CCDC57: variants seen among roughly 807,000 people sequenced by gnomAD.
The protein encoded by CCDC57 is coiled-coil domain-containing protein 57.
A neutral mutation model predicts 118.9 loss-of-function variants in CCDC57; 118 were observed. The ratio of observed to expected loss-of-function variants is 0.99; its 90% CI spans 0.86 to 1.16. The LOEUF is 1.16. Among genes scored for constraint, CCDC57 ranks in the 50% most tolerant of loss-of-function variants. CCDC57 has a pLI of 0.00. For missense variants in CCDC57, 1,300 were observed against 1,320.7 expected, an observed-to-expected ratio of 0.98 and a Z score of 0.24; for synonymous variants, 527 against 532.9, an observed-to-expected ratio of 0.99 and a Z score of 0.15.
At chr17:82,109,086 A>G (rs1457551569) in intron 19 of CCDC57, 1 of 152,284 alleles carries the variant, frequency 6.6e-6, no homozygotes, top group Non-Finnish European at 1.5e-5. Flanking sequence ...AGGGCTTCCT[A>G]AACAGGCGGG....
chr17:82,134,121 C>A, exon 17 of CCDC57: 1 of 1,415,088 alleles, frequency 7.1e-7, no homozygotes, highest in Non-Finnish European at 9.2e-7. Flanking sequence ...GGCTGCGATC[C>A]AAAGGCCTCC....
intron 19 of CCDC57, among the ~76,000 whole-genome samples, chr17:82,102,759 C>T (rs2034541075): frequency 6.6e-6 from 1 of 152,060 alleles, no homozygotes; most frequent in South Asian, 2.1e-4. Flanking sequence ...GTGGCGGGCA[C>T]CTGTAATCCC....
chr17:82,209,526 G>A (rs1309562609), intron 1 of CCDC57, among the ~76,000 whole-genome samples: 4 of 151,912 alleles, frequency 2.6e-5, no homozygotes, highest in Admixed American at 1.3e-4. Context: ...TCTGTCACCC[G>A]AGCTGCAGTG....
chr17:82,183,282 C>T (rs1020315241), intron 9 of CCDC57, among the ~76,000 whole-genome samples: 4 of 152,136 alleles, frequency 2.6e-5, no homozygotes, highest in Admixed American at 1.3e-4. Context: ...AGGAAGTGTT[C>T]GCCCCAACGG....
At chr17:82,145,478 C>T (rs760264580) in intron 16 of CCDC57, among the ~76,000 whole-genome samples, 10 of 151,784 alleles carry the variant, frequency 6.6e-5, no homozygotes, top group African/African-American at 1.9e-4. Context: ...ACCCGGGAGG[C>T]GGAGGCTGCA....
In CCDC57 at chr17:82,176,591, GC is replaced by G. The variant is rs111643611; in HGVS notation, c.1506+1882del. On this transcript the variant is annotated intron_variant, in intron 11 of 19. Coordinates refer to ENST00000665763, the Ensembl canonical transcript of CCDC57. ...ACAGTGTGGGCTCCCAGAGCTGGGG[GC>G]CTTTGCAGCCTCCATACACCAGCGT... Among the ~76,000 whole-genome samples, 31 of 152,240 alleles carry G rather than the reference GC, an allele frequency of 2.0e-4. 2 individuals carry two copies. Among genetic ancestry groups the G allele is most frequent in the African/African-American group, 7.2e-4 (30 of 41,530 alleles).
At chr17:82,121,410 C>A in intron 19 of CCDC57, among the ~76,000 whole-genome samples, 1 of 152,188 alleles carries the variant, frequency 6.6e-6, no homozygotes, top group Non-Finnish European at 1.5e-5. Flanking sequence ...CATGACCTCA[C>A]TCACAGGGCT....
At chr17:82,146,290 G>A (rs368750730) in intron 16 of CCDC57, among the ~76,000 whole-genome samples, 235 of 152,264 alleles carry the variant, frequency 1.5e-3, no homozygotes, top group African/African-American at 5.3e-3. Flanking sequence ...TTTATGAACC[G>A]GATAAGTGAT....
At chr17:82,114,556 C>T (rs1026494455) in intron 19 of CCDC57, among the ~76,000 whole-genome samples, 4 of 152,208 alleles carry the variant, frequency 2.6e-5, no homozygotes, top group South Asian at 2.1e-4. Context: ...GTGTCCTCGG[C>T]GCCCACTGGC....
intron 13 of CCDC57, among the ~76,000 whole-genome samples, chr17:82,166,006 A>G (rs1023141974): frequency 6.6e-6 from 1 of 152,174 alleles, no homozygotes; most frequent in Non-Finnish European, 1.5e-5. Context: ...TGATACAGTA[A>G]CAAATTACAG....
At chr17:82,171,606 C>T in intron 13 of CCDC57, 95 bp downstream of exon 12, 2 of 1,369,362 alleles carry the variant, frequency 1.5e-6, no homozygotes, top group Non-Finnish European at 2.0e-6. Context: ...TCTGCAGTAG[C>T]CTTGAGCTGT....
At chr17:82,174,633 T>C (rs569272755) in intron 11 of CCDC57, among the ~76,000 whole-genome samples, 1 of 152,336 alleles carries the variant, frequency 6.6e-6, no homozygotes, top group East Asian at 1.9e-4. Flanking sequence ...GTTCCCAGGA[T>C]TCTTCTCAAA....
At position 82,192,403 on chromosome 17, in the gene CCDC57, T is replaced by G. The variant is rs898894771; in HGVS notation, c.851+1353A>C. ...AGTAGGTTCTAAGTAGTTAAGTTTT[T>G]GGGGAGTGAAAAGTTATATGTGAAT... is the stretch of plus-strand genomic sequence containing the variant. On this transcript the variant is annotated intron_variant, in intron 7 of 19. Transcript: ENST00000665763. The surrounding 1 kb of genome is among the most constrained non-coding windows in gnomAD (Gnocchi z 4.0). Among the ~76,000 whole-genome samples the G allele has an allele frequency of 2.6e-5, 4 of 152,226 alleles. No individual in the cohort carries two copies. Among genetic ancestry groups the G allele is most frequent in the African/African-American group, 9.6e-5 (4 of 41,460 alleles).
Position 82,192,811 on chromosome 17 carries a change from T to C in CCDC57, c.851+945A>G, listed in dbSNP as rs142325949. On this transcript the variant is annotated intron_variant, in intron 7 of 19. Coordinates refer to ENST00000665763, the Ensembl canonical transcript of CCDC57. The surrounding 1 kb of genome is among the most constrained non-coding windows in gnomAD (Gnocchi z 4.0). ...AGCACAGACAGTGTCCTTGAAGTTC[T>C]TCTGGATTTATACAACTGCACAAAT... Among the ~76,000 whole-genome samples, 52 of 152,344 alleles carry C rather than the reference T, an allele frequency of 3.4e-4. No homozygotes were observed. Among genetic ancestry groups the C allele is most frequent in the Non-Finnish European group, 7.1e-4 (48 of 68,036 alleles).
chr17:82,177,677 T>C (rs569907256), intron 11 of CCDC57, among the ~76,000 whole-genome samples: 3 of 151,848 alleles, frequency 2.0e-5, no homozygotes, highest in Non-Finnish European at 4.4e-5. Context: ...GAGAAGCAAA[T>C]TGAATGGGAG....
chr17:82,141,421 C>T (rs1057291904), intron 16 of CCDC57, among the ~76,000 whole-genome samples: 2 of 152,148 alleles, frequency 1.3e-5, no homozygotes, highest in South Asian at 2.1e-4. Flanking sequence ...TGATGGACCT[C>T]GTGGTCCACC....
chr17:82,178,977 A>AC, intron 10 of CCDC57, 50 bp downstream of exon 9: 1 of 1,583,924 alleles, frequency 6.3e-7, no homozygotes, highest in African/African-American at 1.4e-5. Flanking sequence ...GCCCAGCCCC[A>AC]CCTCTGCAGA....
intron 19 of CCDC57, chr17:82,107,696 T>C: frequency 2.3e-6 from 1 of 433,896 alleles, no homozygotes; most frequent in Non-Finnish European, 4.7e-6. Flanking sequence ...CACTGCCCGC[T>C]CCCCTGGCAA....
At chr17:82,120,018 C>T (rs2036456989) in intron 19 of CCDC57, among the ~76,000 whole-genome samples, 1 of 152,044 alleles carries the variant, frequency 6.6e-6, no homozygotes. Flanking sequence ...GAGGGTGGTT[C>T]GGGGCCTATC....
Sources: allele counts gnomAD v4.1 joint callset (sites outside exome capture counted in the v4.1 genomes callset), GRCh38; gene constraint gnomAD v4.1.1; non-coding constraint Gnocchi (gnomAD v3.1); transcripts MANE v1.5; gene names NCBI Gene and HGNC (gene_info 2026-07-23, HGNC 2026-07-21).